Variants in PIEZO2 observed in about 807,000 individuals in gnomAD.
The protein encoded by PIEZO2 is piezo type mechanosensitive ion channel component 2, also known as piezo-type mechanosensitive ion channel component 2.
In PIEZO2, 172 loss-of-function variants were observed where a neutral mutation model predicts 337.3. The observed-to-expected ratio is 0.51, with a 90% CI of 0.45 to 0.58. PIEZO2 has a LOEUF of 0.58. PIEZO2 is among the 20% of genes least tolerant of loss of function. The probability of loss-of-function intolerance (pLI) is 0.00; values close to 1 mark genes in which losing one functional copy is unlikely to be tolerated. For missense variants in PIEZO2, 3,028 were observed against 3,391.3 expected (o/e 0.89, Z 2.66); for synonymous variants, 1,251 against 1,228.5 (o/e 1.02, Z -0.38).
In PIEZO2 at chr18:10,682,344, G is replaced by C; in HGVS notation, c.7498-52C>G. ...CAGGCTCAGGCTCAGGTGCTTTCCC[G>C]CAGGCAGCGGGATTGGGGGAGAGCG... On this transcript the variant is annotated intron_variant, in intron 49 of 55. Coordinates refer to ENST00000674853, the MANE Select transcript of PIEZO2 (RefSeq NM_001378183.1). This position sits in a 1 kb window ranked among gnomAD's most constrained non-coding sequence, Gnocchi z 5.6. The C allele has an allele frequency of 2.7e-6, 4 of 1,460,626 alleles. No individual in the cohort carries two copies. The highest frequency in any genetic ancestry group is 3.7e-6 in the Non-Finnish European group (4 of 1,093,524). The allele number at this position is 1,460,626 out of a possible 1,614,324, so 90.5% of individuals were successfully genotyped here. A position where few individuals can be genotyped will look rare whatever the true frequency, so the allele number is the denominator to read the frequency against.
At position 10,899,106 on chromosome 18, in the gene PIEZO2, G is replaced by A. The variant is rs34634951; in HGVS notation, c.329+12080C>T. Among the ~76,000 whole-genome samples the A allele has an allele frequency of 6.6e-6, 1 of 152,200 alleles. No individual in the cohort carries two copies. The highest frequency in any genetic ancestry group is 1.5e-5 in the Non-Finnish European group (1 of 68,032). Reference sequence around the variant, plus strand: ...TGGGGCCTGCAGAGACTAGCAAAGGGAAGCATGGGCTCTATAGTTAAAAAG... The same window carrying A: ...TGGGGCCTGCAGAGACTAGCAAAGGAAAGCATGGGCTCTATAGTTAAAAAG... On this transcript the variant is annotated intron_variant, in intron 4 of 55. Coordinates refer to ENST00000674853, the MANE Select transcript of PIEZO2 (RefSeq NM_001378183.1). This position sits in a 1 kb window ranked among gnomAD's most constrained non-coding sequence, Gnocchi z 4.6.
intron 47 of PIEZO2, among the ~76,000 whole-genome samples, chr18:10,693,430 CGCAATCTCAGCTCACT>C (rs987632601): frequency 6.6e-6 from 1 of 151,620 alleles, no homozygotes; most frequent in Non-Finnish European, 1.5e-5. Context: ...AGTGCAGCAG[CGCAATCTCAGCTCACT>C]GCAACTTCTG....
At chr18:11,098,089 A>C (rs753645826) in intron 1 of PIEZO2, among the ~76,000 whole-genome samples, 1 of 152,324 alleles carries the variant, frequency 6.6e-6, no homozygotes, top group Middle Eastern at 3.4e-3. Context: ...CAGGATGTCA[A>C]TCTCAACATT....
chr18:10,840,297 T>C (rs1399303772), intron 7 of PIEZO2, among the ~76,000 whole-genome samples: 1 of 152,226 alleles, frequency 6.6e-6, no homozygotes, highest in Non-Finnish European at 1.5e-5. Flanking sequence ...AATTAATACA[T>C]AATTTACTTT....
chr18:11,048,006 T>G lies in PIEZO2; in HGVS notation c.160+18121A>C, dbSNP rs2037379946. 6.6e-6 allele frequency among the ~76,000 whole-genome samples: 1 copy of G among 152,130 alleles called. No individual in the cohort carries two copies. The highest frequency in any genetic ancestry group is 1.5e-5 in the Non-Finnish European group (1 of 68,016). On this transcript the variant is annotated intron_variant, in intron 2 of 55. Coordinates refer to ENST00000674853, the MANE Select transcript of PIEZO2 (RefSeq NM_001378183.1). The surrounding 1 kb of genome is among the most constrained non-coding windows in gnomAD (Gnocchi z 4.5). Reference sequence around the variant, plus strand: ...AGGTACTCCAGGCCTTCCTCCTGCATGGTCTGCAGCTCTGAAAGTGGTTCC... The same window carrying G: ...AGGTACTCCAGGCCTTCCTCCTGCAGGGTCTGCAGCTCTGAAAGTGGTTCC...
chr18:10,725,522 G>C, intron 36 of PIEZO2: 1 of 1,406,904 alleles, frequency 7.1e-7, no homozygotes, highest in Non-Finnish European at 9.7e-7. Flanking sequence ...GCTGGGAGTC[G>C]TGGGAAGGAG....
Position 11,126,784 on chromosome 18 carries a change from C to T in PIEZO2, c.64+21741G>A, listed in dbSNP as rs1029117652. On this transcript the variant is annotated intron_variant, in intron 1 of 55. Transcript: ENST00000674853. The surrounding 1 kb of genome is among the most constrained non-coding windows in gnomAD (Gnocchi z 4.6). ...GTACTGTTACACAGTACCTTAAGTACATTACTATTTTTTTTTTAAAGCCCC... is the reference window on the plus strand; with the variant it reads ...GTACTGTTACACAGTACCTTAAGTATATTACTATTTTTTTTTTAAAGCCCC... Among the ~76,000 whole-genome samples the T allele has an allele frequency of 3.8e-5, 3 of 79,906 alleles. No homozygotes were observed. Among genetic ancestry groups the T allele is most frequent in the African/African-American group, 1.7e-4 (3 of 17,628 alleles). 52.4% of individuals were successfully genotyped at this position (79,906 alleles called of 152,430 possible).
intron 2 of PIEZO2, among the ~76,000 whole-genome samples, chr18:11,013,444 T>A (rs987531492): frequency 6.6e-6 from 1 of 152,236 alleles, no homozygotes; most frequent in African/African-American, 2.4e-5. Context: ...ATTTGTATTG[T>A]CTTAAGCCGC....
intron 45 of PIEZO2, among the ~76,000 whole-genome samples, chr18:10,697,069 T>C (rs2035125780): frequency 6.6e-6 from 1 of 152,222 alleles, no homozygotes; most frequent in South Asian, 2.1e-4. Flanking sequence ...CCTGTGTCCA[T>C]GCTGGCTCCC....
intron 4 of PIEZO2, among the ~76,000 whole-genome samples, chr18:10,905,138 C>T (rs1042112294): frequency 1.3e-5 from 2 of 152,172 alleles, no homozygotes; most frequent in African/African-American, 4.8e-5. Flanking sequence ...GGTTGCTAAA[C>T]TTTTCAGGAA....
At position 10,800,334 on chromosome 18, in the gene PIEZO2, T is replaced by C. The variant is rs1177234598; in HGVS notation, c.1378+3A>G. On this transcript the variant is annotated splice_donor_region_variant and intron_variant, in intron 11 of 55. Coordinates refer to ENST00000674853, the MANE Select transcript of PIEZO2 (RefSeq NM_001378183.1). ...CGACCCTGAGTGCAGGGCTGGCTCCTACCTGAGGATTCATCAGAGGGCTCC... is the reference window on the plus strand; with the variant it reads ...CGACCCTGAGTGCAGGGCTGGCTCCCACCTGAGGATTCATCAGAGGGCTCC... 1.3e-6 allele frequency: 2 copies of C among 1,534,110 alleles called. No individual in the cohort carries two copies. The highest frequency in any genetic ancestry group is 1.7e-6 in the Non-Finnish European group (2 of 1,145,514).
At chr18:11,015,498 A>G (rs997178004) in intron 2 of PIEZO2, among the ~76,000 whole-genome samples, 18 of 152,236 alleles carry the variant, frequency 1.2e-4, no homozygotes, top group Admixed American at 1.1e-3. Context: ...TTTTTGCCCT[A>G]TAAAATAATA....
At chr18:11,071,670 G>A (rs915552086) in intron 1 of PIEZO2, among the ~76,000 whole-genome samples, 1 of 152,162 alleles carries the variant, frequency 6.6e-6, no homozygotes, top group Non-Finnish European at 1.5e-5. Flanking sequence ...AGGTGAGGGA[G>A]GTGATGAGCT....
At chr18:11,039,989 C>A (rs1016736088) in intron 2 of PIEZO2, among the ~76,000 whole-genome samples, 1 of 152,030 alleles carries the variant, frequency 6.6e-6, no homozygotes, top group Non-Finnish European at 1.5e-5. Flanking sequence ...GTTGGAACAG[C>A]CTTGGATAAA....
chr18:10,674,431 A>C (rs1354354500), intron 54 of PIEZO2, among the ~76,000 whole-genome samples: 1 of 152,260 alleles, frequency 6.6e-6, no homozygotes, highest in Non-Finnish European at 1.5e-5. Context: ...CTGAGGAAGA[A>C]AGGTGTGTGA....
rs2039151487 is a variant in PIEZO2 at position 10,784,677 on chromosome 18, GCTGAAA to G, written c.2492+101_2492+106del. 1 of 1,114,062 alleles carries G rather than the reference GCTGAAA, an allele frequency of 9.0e-7. No individual in the cohort carries two copies. The highest frequency in any genetic ancestry group is 2.6e-5 in the East Asian group (1 of 38,156). 69.0% of individuals were successfully genotyped at this position (1,114,062 alleles called of 1,614,324 possible). A position where few individuals can be genotyped will look rare whatever the true frequency, so the allele number is the denominator to read the frequency against. Reference sequence around the variant, plus strand: ...AGCTGATACTCATGGAAAATTCAAGGCTGAAACTTTTAGATTACTGGCTTCTCGCAA... The same window carrying G: ...AGCTGATACTCATGGAAAATTCAAGGCTTTTAGATTACTGGCTTCTCGCAA... On this transcript the variant is annotated intron_variant, in intron 17 of 55. Transcript: ENST00000674853. This position sits in a 1 kb window ranked among gnomAD's most constrained non-coding sequence, Gnocchi z 4.5.
At chr18:11,144,142 C>A (rs1331386413) in intron 1 of PIEZO2, among the ~76,000 whole-genome samples, 3 of 152,114 alleles carry the variant, frequency 2.0e-5, no homozygotes, top group African/African-American at 7.2e-5. Flanking sequence ...CACACATCAC[C>A]CGTAAAGAAA....
chr18:11,034,461 T>G (rs981074260), intron 2 of PIEZO2, among the ~76,000 whole-genome samples: 2 of 151,880 alleles, frequency 1.3e-5, no homozygotes, highest in African/African-American at 4.8e-5. Flanking sequence ...CCAGGCTAAT[T>G]TTTTTGTATT....
rs2042165251 is a variant in PIEZO2 at position 10,872,561 on chromosome 18, C to T, written c.330-1146G>A. 6.6e-6 allele frequency among the ~76,000 whole-genome samples: 1 copy of T among 152,038 alleles called. No individual in the cohort carries two copies. The highest frequency in any genetic ancestry group is 2.4e-5 in the African/African-American group (1 of 41,308). Reference sequence around the variant, plus strand: ...GCTTAATAGGCACTGGCAGACTTCTCACACCATTCAGCACACGACACGGGC... The same window carrying T: ...GCTTAATAGGCACTGGCAGACTTCTTACACCATTCAGCACACGACACGGGC... On this transcript the variant is annotated intron_variant, in intron 4 of 55. Transcript: ENST00000674853. This position sits in a 1 kb window ranked among gnomAD's most constrained non-coding sequence, Gnocchi z 4.3.
Sources: gnomAD v4.1 joint callset for allele counts (sites outside exome capture counted in the v4.1 genomes callset) on GRCh38, gnomAD v4.1.1 for gene constraint, Gnocchi (gnomAD v3.1) non-coding constraint, MANE v1.5 for transcripts, NCBI Gene and HGNC (gene_info 2026-07-23, HGNC 2026-07-21) for gene names.